Variants in INSYN2B observed in about 807,000 individuals in gnomAD.
INSYN2B encodes inhibitory synaptic factor family member 2B.
A neutral mutation model predicts 41.2 loss-of-function variants in INSYN2B; 16 were observed. That is an observed-to-expected ratio of 0.39 (90% CI 0.26 to 0.59). The LOEUF is 0.59. INSYN2B is among the 20% of genes least tolerant of loss of function. The pLI is 0.57. For missense variants in INSYN2B, 608 were observed against 646.4 expected, an observed-to-expected ratio of 0.94 and a Z score of 0.64; for synonymous variants, 245 against 244.4, an observed-to-expected ratio of 1.00 and a Z score of -0.02.
intron 3 of INSYN2B, among the ~76,000 whole-genome samples, chr5:169,872,437 C>A (rs935607006): frequency 6.6e-6 from 1 of 152,174 alleles, no homozygotes; most frequent in Non-Finnish European, 1.5e-5. Flanking sequence ...CAAGTTTGCT[C>A]ATTTTTTATA....
At chr5:169,894,207 G>A (rs1260832276) in intron 1 of INSYN2B, among the ~76,000 whole-genome samples, 1 of 152,166 alleles carries the variant, frequency 6.6e-6, no homozygotes, top group Admixed American at 6.5e-5. Flanking sequence ...GCAGATGAGG[G>A]AACTGGTAGA....
chr5:169,933,838 C>G (rs771171324), intron 1 of INSYN2B, among the ~76,000 whole-genome samples: 2 of 152,128 alleles, frequency 1.3e-5, no homozygotes, highest in Non-Finnish European at 2.9e-5. Context: ...TGGCTGGCGT[C>G]CAGACTTACT....
chr5:169,943,141 C>T (rs1776308132), intron 1 of INSYN2B, among the ~76,000 whole-genome samples: 1 of 152,156 alleles, frequency 6.6e-6, no homozygotes, highest in South Asian at 2.1e-4. Context: ...ACACCCAGGC[C>T]ATCAATGTCT....
intron 1 of INSYN2B, among the ~76,000 whole-genome samples, chr5:169,930,804 T>C (rs1313565226): frequency 6.6e-6 from 1 of 152,218 alleles, no homozygotes; most frequent in Non-Finnish European, 1.5e-5. Flanking sequence ...ACCATCTCTC[T>C]TGGTTTCTTT....
At chr5:169,970,105 GGC>G (rs1166221859) in intron 1 of INSYN2B, among the ~76,000 whole-genome samples, 1 of 152,184 alleles carries the variant, frequency 6.6e-6, no homozygotes, top group African/African-American at 2.4e-5. Flanking sequence ...GCCCCTTAAA[GGC>G]ATGTTCAGAT....
At chr5:169,869,132 C>T (rs1771779756) in intron 3 of INSYN2B, among the ~76,000 whole-genome samples, 1 of 152,230 alleles carries the variant, frequency 6.6e-6, no homozygotes, top group African/African-American at 2.4e-5. Context: ...CCTTTGCCTT[C>T]CCATCTCAGC....
intron 1 of INSYN2B, among the ~76,000 whole-genome samples, chr5:169,938,360 A>G (rs78911776): frequency 6.6e-6 from 1 of 152,148 alleles, no homozygotes; most frequent in East Asian, 1.9e-4. Flanking sequence ...TTGTGTGAAC[A>G]TCAGAGTGTA....
At chr5:169,933,849 G>A (rs774506449) in intron 1 of INSYN2B, among the ~76,000 whole-genome samples, 1 of 152,140 alleles carries the variant, frequency 6.6e-6, no homozygotes, top group Non-Finnish European at 1.5e-5. Context: ...CAGACTTACT[G>A]TAACCAGAGA....
chr5:169,883,915 G>A lies in INSYN2B; in HGVS notation c.-17C>T, dbSNP rs540468410. 5.4e-6 allele frequency: 8 copies of A among 1,478,764 alleles called. No individual in the cohort carries two copies. The highest frequency in any genetic ancestry group is 1.8e-4 in the Middle Eastern group (1 of 5,584). 91.6% of individuals were successfully genotyped at this position (1,478,764 alleles called of 1,614,324 possible). A position where few individuals can be genotyped will look rare whatever the true frequency, so the allele number is the denominator to read the frequency against. Reference sequence around the variant, plus strand: ...CTGGGCCATTGAGCCTCAGTGGGAAGGATCAGGACCATACACTTCTCCTAG... The same window carrying A: ...CTGGGCCATTGAGCCTCAGTGGGAAAGATCAGGACCATACACTTCTCCTAG... On this transcript the variant is annotated 5_prime_UTR_variant, in exon 2 of 4. Coordinates refer to ENST00000377365, the MANE Select transcript of INSYN2B (RefSeq NM_001129891.3).
intron 1 of INSYN2B, among the ~76,000 whole-genome samples, chr5:169,953,770 G>A (rs1307996768): frequency 2.6e-5 from 4 of 152,086 alleles, no homozygotes; most frequent in Non-Finnish European, 4.4e-5. Flanking sequence ...TTTTCTCCTC[G>A]GGAGACACCT....
chr5:169,903,968 T>A (rs1333305775), intron 1 of INSYN2B, among the ~76,000 whole-genome samples: 1 of 151,568 alleles, frequency 6.6e-6, no homozygotes, highest in Non-Finnish European at 1.5e-5. Context: ...GGCGTGGTCC[T>A]GTAATCCCAG....
chr5:169,865,487 G>A (rs1038851353), intron 3 of INSYN2B, among the ~76,000 whole-genome samples: 4 of 152,202 alleles, frequency 2.6e-5, no homozygotes, highest in African/African-American at 4.8e-5. Flanking sequence ...CAGAAAAAAC[G>A]AATCCTCTTA....
At chr5:169,958,734 A>G (rs1283651984) in intron 1 of INSYN2B, among the ~76,000 whole-genome samples, 1 of 152,154 alleles carries the variant, frequency 6.6e-6, no homozygotes, top group African/African-American at 2.4e-5. Context: ...GTGTGCAGCA[A>G]TGCCCAGCAA....
chr5:169,933,792 A>G (rs1360855539), intron 1 of INSYN2B, among the ~76,000 whole-genome samples: 1 of 152,022 alleles, frequency 6.6e-6, no homozygotes, highest in African/African-American at 2.4e-5. Context: ...ATTTCTTTCA[A>G]CATGCAGATT....
At chr5:169,885,851 G>A (rs2113520053) in intron 1 of INSYN2B, among the ~76,000 whole-genome samples, 1 of 149,108 alleles carries the variant, frequency 6.7e-6, no homozygotes, top group South Asian at 2.2e-4. Flanking sequence ...TTCCAATATT[G>A]CATTATCTCA....
chr5:169,925,305 G>T (rs1321517490), intron 1 of INSYN2B, among the ~76,000 whole-genome samples: 1 of 152,152 alleles, frequency 6.6e-6, no homozygotes, highest in Non-Finnish European at 1.5e-5. Context: ...TAAGACCCTA[G>T]GACAGATGGG....
chr5:169,957,292 C>T (rs928872149), intron 1 of INSYN2B, among the ~76,000 whole-genome samples: 1 of 152,224 alleles, frequency 6.6e-6, no homozygotes, highest in African/African-American at 2.4e-5. Context: ...GCCCCAGTTT[C>T]TGCATCCATA....
intron 3 of INSYN2B, among the ~76,000 whole-genome samples, chr5:169,869,572 G>A (rs991976506): frequency 9.9e-5 from 15 of 152,168 alleles, no homozygotes; most frequent in African/African-American, 3.6e-4. Context: ...TTATAAATGG[G>A]GAGGGACAGA....
At chr5:169,980,180 C>A (rs780318426) in intron 1 of INSYN2B, 97 bp downstream of exon 1, 3 of 151,984 alleles carry the variant, frequency 2.0e-5, no homozygotes, top group Admixed American at 1.3e-4. Flanking sequence ...TTGATTTAAG[C>A]CAAAGCTTTA....
Sources: gnomAD v4.1 joint callset for allele counts (sites outside exome capture counted in the v4.1 genomes callset) on GRCh38, gnomAD v4.1.1 for gene constraint, MANE v1.5 for transcripts, NCBI Gene and HGNC (gene_info 2026-07-23, HGNC 2026-07-21) for gene names.